The following UBE3D variants were observed in gnomAD, a reference collection of about 807,000 sequenced individuals.
UBE3D encodes the protein E3 ubiquitin-protein ligase E3D.
In UBE3D, 48 loss-of-function variants were observed where a neutral mutation model predicts 49.6. The observed-to-expected ratio is 0.97, with a 90% CI of 0.77 to 1.23. The LOEUF (loss-of-function observed/expected upper bound fraction) is 1.23. Among genes scored for constraint, UBE3D ranks in the 50% most tolerant of loss-of-function variants. UBE3D has a pLI of 0.00. For missense variants in UBE3D, 452 were observed against 468.4 expected, an observed-to-expected ratio of 0.96 and a Z score of 0.32; for synonymous variants, 189 against 174.2, an observed-to-expected ratio of 1.08 and a Z score of -0.67.
At chr6:82,985,493 G>C (rs1385328163) in intron 8 of UBE3D, among the ~76,000 whole-genome samples, 1 of 152,084 alleles carries the variant, frequency 6.6e-6, no homozygotes, top group African/African-American at 2.4e-5. Flanking sequence ...CTCCCAAGTA[G>C]CTTGGACTAC....
intron 8 of UBE3D, among the ~76,000 whole-genome samples, chr6:83,009,321 T>C (rs909531584): frequency 6.6e-6 from 1 of 151,996 alleles, no homozygotes; most frequent in African/African-American, 2.4e-5. Context: ...TTACCAAATA[T>C]TACAAAGATA....
chr6:83,032,227 T>C (rs935149015), intron 5 of UBE3D: 2 of 456,052 alleles, frequency 4.4e-6, no homozygotes, highest in East Asian at 7.0e-5. Flanking sequence ...TGAAAGAAGC[T>C]GGGTGGGGCC....
intron 9 of UBE3D, among the ~76,000 whole-genome samples, chr6:82,921,490 CCT>C (rs1773334042): frequency 6.6e-6 from 1 of 152,130 alleles, no homozygotes; most frequent in Non-Finnish European, 1.5e-5. Flanking sequence ...ATCACACACC[CCT>C]GAGATCCTTC....
At chr6:82,960,886 C>T (rs1307090171) in intron 8 of UBE3D, among the ~76,000 whole-genome samples, 1 of 152,158 alleles carries the variant, frequency 6.6e-6, no homozygotes, top group Non-Finnish European at 1.5e-5. Context: ...ATTTATACCA[C>T]TGACCCCAAC....
intron 8 of UBE3D, among the ~76,000 whole-genome samples, chr6:82,961,285 A>G (rs12200894): frequency 0.14 from 20,626 of 152,240 alleles, 1,435 homozygotes; most frequent in South Asian, 0.16. Flanking sequence ...TTTAATTTTT[A>G]CAAAATTACT....
intron 3 of UBE3D, among the ~76,000 whole-genome samples, chr6:83,049,430 A>G (rs1214339163): frequency 6.6e-6 from 1 of 152,250 alleles, no homozygotes; most frequent in Non-Finnish European, 1.5e-5. Flanking sequence ...ACATAGTATG[A>G]TTTGAGCCAT....
At chr6:82,939,440 A>G (rs1200908626) in intron 9 of UBE3D, among the ~76,000 whole-genome samples, 1 of 152,244 alleles carries the variant, frequency 6.6e-6, no homozygotes, top group Non-Finnish European at 1.5e-5. Flanking sequence ...AAGGGACCAC[A>G]TGTACAACAG....
intron 8 of UBE3D, among the ~76,000 whole-genome samples, chr6:82,989,672 T>C (rs554065445): frequency 5.9e-5 from 9 of 152,308 alleles, no homozygotes; most frequent in African/African-American, 1.9e-4. Flanking sequence ...GGCTATAATT[T>C]GCCTACCCCT....
intron 8 of UBE3D, among the ~76,000 whole-genome samples, chr6:82,963,209 T>C (rs1377594024): frequency 6.7e-6 from 1 of 149,558 alleles, no homozygotes; most frequent in East Asian, 1.9e-4. Flanking sequence ...TTTTTTTTTT[T>C]GGAGAAAGAA....
At chr6:82,903,329 T>C (rs1007398535) in intron 9 of UBE3D, among the ~76,000 whole-genome samples, 8 of 152,078 alleles carry the variant, frequency 5.3e-5, no homozygotes, top group Middle Eastern at 3.4e-3. Flanking sequence ...TTCTTTTGGA[T>C]TAGTGGTAAG....
At chr6:82,909,675 C>T (rs1772359751) in intron 9 of UBE3D, among the ~76,000 whole-genome samples, 1 of 152,160 alleles carries the variant, frequency 6.6e-6, no homozygotes, top group African/African-American at 2.4e-5. Flanking sequence ...AAAAGCTGCT[C>T]ACAAAAACTT....
downstream of UBE3D, among the ~76,000 whole-genome samples, chr6:82,890,320 T>C (rs1378932139): frequency 6.6e-6 from 1 of 152,138 alleles, no homozygotes; most frequent in Non-Finnish European, 1.5e-5. Flanking sequence ...TTTCCCTTCA[T>C]GCCCTATAGC....
intron 5 of UBE3D, among the ~76,000 whole-genome samples, chr6:83,024,737 C>A (rs1046324891): frequency 6.6e-6 from 1 of 152,140 alleles, no homozygotes; most frequent in Non-Finnish European, 1.5e-5. Context: ...GTCCAGCAGT[C>A]CCTAAAAGGT....
intron 5 of UBE3D, among the ~76,000 whole-genome samples, chr6:83,032,610 G>C (rs1194826136): frequency 6.6e-6 from 1 of 152,186 alleles, no homozygotes; most frequent in East Asian, 1.9e-4. Flanking sequence ...GGGAAGGCTT[G>C]GTTTTGAAAT....
Position 83,022,501 on chromosome 6 carries a change from G to A in UBE3D, c.798C>T (p.Ser266=). Residue 266 remains serine, a synonymous_variant, in exon 7 of 10, where the codon AGC becomes AGT. Coordinates refer to ENST00000369747, the MANE Select transcript of UBE3D (RefSeq NM_198920.3). ...GACCTTGAATCGTGAATCTAAAAGTGCTTCTAGCAGAGGAGAGCTGCACCA... is the reference window on the plus strand; with the variant it reads ...GACCTTGAATCGTGAATCTAAAAGTACTTCTAGCAGAGGAGAGCTGCACCA... ...QCLVQLSSAR[S]TFRFTIQGQD... is the part of the protein sequence containing the mutation. 1 of 1,606,304 alleles carries A rather than the reference G, an allele frequency of 6.2e-7. No homozygotes were observed. The highest frequency in any genetic ancestry group is 8.5e-7 in the Non-Finnish European group (1 of 1,176,920).
At chr6:82,890,028 ATGCATG>A (rs2127708190), downstream of UBE3D, among the ~76,000 whole-genome samples, 1 of 152,138 alleles carries the variant, frequency 6.6e-6, no homozygotes, top group African/African-American at 2.4e-5. Flanking sequence ...TTGGTAACCA[ATGCATG>A]TCTGCATTCT....
At chr6:82,894,294 C>G (rs552499644) in intron 9 of UBE3D, among the ~76,000 whole-genome samples, 8 of 152,188 alleles carry the variant, frequency 5.3e-5, no homozygotes, top group African/African-American at 1.7e-4. Context: ...CTTATCATAC[C>G]CTGCCAGGCA....
At chr6:83,042,078 T>A (rs903137430) in intron 4 of UBE3D, among the ~76,000 whole-genome samples, 5 of 152,010 alleles carry the variant, frequency 3.3e-5, no homozygotes, top group African/African-American at 1.2e-4. Flanking sequence ...CCCGGCTAAT[T>A]TTTTGTAGTT....
chr6:82,897,228 T>A (rs998471420), intron 9 of UBE3D, among the ~76,000 whole-genome samples: 2 of 152,114 alleles, frequency 1.3e-5, no homozygotes, highest in Non-Finnish European at 1.5e-5. Flanking sequence ...AAAGTTATGA[T>A]CTGAAACAGG....
Sources: allele counts gnomAD v4.1 joint callset (sites outside exome capture counted in the v4.1 genomes callset), GRCh38; gene constraint gnomAD v4.1.1; transcripts MANE v1.5; gene names NCBI Gene and HGNC (gene_info 2026-07-23, HGNC 2026-07-21).